The following PCDHA2 variants were observed in gnomAD, a reference collection of about 807,000 sequenced individuals.
PCDHA2 encodes the protein protocadherin alpha-2.
A neutral mutation model predicts 66.0 loss-of-function variants in PCDHA2; 58 were observed. The observed-to-expected ratio is 0.88, with a 90% CI of 0.71 to 1.09. The LOEUF is 1.09. PCDHA2 is among the 50% of genes least tolerant of loss of function. The pLI is 0.00. For missense variants in PCDHA2, 1,267 were observed against 1,242.3 expected, an observed-to-expected ratio of 1.02 and a Z score of -0.30; for synonymous variants, 634 against 554.0, an observed-to-expected ratio of 1.14 and a Z score of -2.03.
At chr5:140,801,511 A>G in intron 1 of PCDHA2, 2 of 1,614,184 alleles carry the variant, frequency 1.2e-6, no homozygotes, top group Non-Finnish European at 1.7e-6. Flanking sequence ...TGCAGCATCC[A>G]CCTGGAGGTG....
At position 140,924,901 on chromosome 5, in the gene PCDHA2, A is replaced by AAAAT. The variant is rs1554202314; in HGVS notation, c.2389-54045_2389-54044insTAAA. ...CAGAGCAAGAACCTGTCTCAAAAAA[A>AAAAT]AAAATAAAATAAAATAAAATAAAAT... On this transcript the variant is annotated intron_variant, in intron 1 of 3. Coordinates refer to ENST00000526136, the MANE Select transcript of PCDHA2 (RefSeq NM_018905.3). 7.3e-4 allele frequency among the ~76,000 whole-genome samples: 59 copies of AAAAT among 80,496 alleles called. 1 individual carries two copies. The highest frequency in any genetic ancestry group is 6.1e-3 in the Middle Eastern group (1 of 164). The allele number at this position is 80,496 out of a possible 152,430, so 52.8% of individuals were successfully genotyped here. A position where few individuals can be genotyped will look rare whatever the true frequency, so the allele number is the denominator to read the frequency against.
At chr5:140,801,011 G>T in intron 1 of PCDHA2, 3 of 1,409,454 alleles carry the variant, frequency 2.1e-6, no homozygotes, top group African/African-American at 2.9e-5. Flanking sequence ...ACATGATGTC[G>T]CTGTCCACCA....
At chr5:140,834,190 C>T in intron 1 of PCDHA2, 2 of 580,584 alleles carry the variant, frequency 3.4e-6, no homozygotes, top group South Asian at 2.5e-5. Context: ...CATGATGTCG[C>T]TCTTTACCGC....
intron 1 of PCDHA2, chr5:140,835,164 G>A: frequency 8.8e-6 from 13 of 1,477,492 alleles, no homozygotes; most frequent in Non-Finnish European, 1.2e-5. Context: ...CGGAACGCTG[G>A]TGATTCACCC....
chr5:140,884,699 C>A, intron 1 of PCDHA2: 3 of 1,500,334 alleles, frequency 2.0e-6, no homozygotes, highest in Non-Finnish European at 2.7e-6. Context: ...TTAGTAAACA[C>A]TTTAGCCTTC....
At chr5:140,979,537 A>G (rs538323100) in intron 2 of PCDHA2, among the ~76,000 whole-genome samples, 1 of 152,332 alleles carries the variant, frequency 6.6e-6, no homozygotes, top group East Asian at 1.9e-4. Context: ...ATTGTCATCA[A>G]TGACATGGTT....
At chr5:140,907,170 TG>T (rs1318866379) in intron 1 of PCDHA2, among the ~76,000 whole-genome samples, 1 of 152,188 alleles carries the variant, frequency 6.6e-6, no homozygotes. Flanking sequence ...TATTGGATGC[TG>T]ATTCAGAGCA....
At chr5:140,809,725 C>A in intron 1 of PCDHA2, 3 of 833,130 alleles carry the variant, frequency 3.6e-6, no homozygotes, top group Non-Finnish European at 5.5e-6. Context: ...AATTATAGGA[C>A]ATCAGAGCAA....
rs995118768 is a variant in PCDHA2 at position 140,943,957 on chromosome 5, T to G, written c.2389-34992T>G. Among the ~76,000 whole-genome samples the G allele has an allele frequency of 2.6e-5, 4 of 152,224 alleles. No individual in the cohort carries two copies. The South Asian group carries it at 8.3e-4, about 32-fold the overall frequency. On this transcript the variant is annotated intron_variant, in intron 1 of 3. Coordinates refer to ENST00000526136, the MANE Select transcript of PCDHA2 (RefSeq NM_018905.3). ...TGTGGTTATAGGAGAAGCAGTGAAT[T>G]AAAGAGTTAAAGTAATTAAGAAAAC... is the stretch of plus-strand genomic sequence containing the variant.
chr5:140,890,528 C>T (rs1329794711), intron 1 of PCDHA2, among the ~76,000 whole-genome samples: 3 of 152,060 alleles, frequency 2.0e-5, no homozygotes, highest in South Asian at 2.1e-4. Flanking sequence ...CTTTGTTGAT[C>T]TTCTTTTGAA....
At chr5:140,967,022 A>G (rs2096084806) in intron 1 of PCDHA2, 1 of 1,608,014 alleles carries the variant, frequency 6.2e-7, no homozygotes, top group Middle Eastern at 1.7e-4. Context: ...GGGTGCGCCC[A>G]GTCCGCGCTA....
intron 1 of PCDHA2, chr5:140,864,198 A>G (rs1437307959): frequency 6.6e-6 from 1 of 152,182 alleles, no homozygotes; most frequent in Non-Finnish European, 1.5e-5. Flanking sequence ...TCCTTATGAG[A>G]AGGTCAAATC....
intron 1 of PCDHA2, chr5:140,850,124 G>A: frequency 6.3e-7 from 1 of 1,595,944 alleles, no homozygotes; most frequent in Non-Finnish European, 8.6e-7. Context: ...CGGGCGTGCC[G>A]CCTCTGGGCA....
chr5:140,826,616 G>C (rs2150144460), intron 1 of PCDHA2, among the ~76,000 whole-genome samples: 4 of 152,230 alleles, frequency 2.6e-5, no homozygotes, highest in Non-Finnish European at 5.9e-5. Flanking sequence ...GGGCGAAGTT[G>C]ATATTTGGCC....
intron 1 of PCDHA2, chr5:140,809,895 A>G (rs1764562503): frequency 9.8e-6 from 2 of 203,636 alleles, no homozygotes; most frequent in African/African-American, 4.7e-5. Context: ...CATATAAACA[A>G]ATGTGCACAG....
chr5:140,892,757 A>G lies in PCDHA2; in HGVS notation c.2389-86192A>G, dbSNP rs140291258. 8.0e-3 allele frequency among the ~76,000 whole-genome samples: 1,217 copies of G among 152,310 alleles called. 7 individuals carry two copies. Among genetic ancestry groups the G allele is most frequent in the African/African-American group, 0.019 (784 of 41,562 alleles). ...CCATTTTTGCATGGTGAACATTTAA[A>G]ATCCACTCTTCTAGCTTCTTGAAAA... On this transcript the variant is annotated intron_variant, in intron 1 of 3. Transcript: ENST00000526136.
intron 1 of PCDHA2, chr5:140,876,814 G>A (rs571648883): frequency 1.1e-5 from 18 of 1,614,108 alleles, no homozygotes; most frequent in Non-Finnish European, 1.5e-5. Context: ...GGTGGCCGAC[G>A]TGAACGACAA....
chr5:140,995,233 G>A (rs1359304274), intron 3 of PCDHA2, among the ~76,000 whole-genome samples: 1 of 152,128 alleles, frequency 6.6e-6, no homozygotes, highest in Non-Finnish European at 1.5e-5. Flanking sequence ...TTTGGGGCCA[G>A]TATTAAGTAA....
chr5:140,863,330 T>A, intron 1 of PCDHA2: 1 of 1,412,828 alleles, frequency 7.1e-7, no homozygotes, highest in Admixed American at 1.8e-5. Flanking sequence ...CTGTTAGTGC[T>A]CACGTTGCTG....
Sources: allele counts gnomAD v4.1 joint callset (sites outside exome capture counted in the v4.1 genomes callset), GRCh38; gene constraint gnomAD v4.1.1; transcripts MANE v1.5; gene names NCBI Gene and HGNC (gene_info 2026-07-23, HGNC 2026-07-21).